The following ACTR3B variants were observed in gnomAD, a reference collection of about 807,000 sequenced individuals.
ACTR3B encodes actin related protein 3B.
A neutral mutation model predicts 59.0 loss-of-function variants in ACTR3B; 8 were observed. That is an observed-to-expected ratio of 0.14 (90% CI 0.08 to 0.24). The LOEUF is 0.24. ACTR3B is among the 10% of genes least tolerant of loss of function. The pLI is 1.00. For missense variants in ACTR3B, 245 were observed against 552.3 expected, an observed-to-expected ratio of 0.44 and a Z score of 5.58; for synonymous variants, 148 against 197.9, an observed-to-expected ratio of 0.75 and a Z score of 2.12.
At chr7:152,776,872 C>T (rs906359511) in intron 1 of ACTR3B, among the ~76,000 whole-genome samples, 2 of 151,992 alleles carry the variant, frequency 1.3e-5, no homozygotes, top group African/African-American at 2.4e-5. Flanking sequence ...ATTATACATC[C>T]GTTTATGGCA....
chr7:152,833,173 G>A (rs10257042), intron 9 of ACTR3B, among the ~76,000 whole-genome samples: 3,157 of 152,324 alleles, frequency 0.021, 100 homozygotes, highest in African/African-American at 0.071. Context: ...GTTGCAGGCC[G>A]AAGAGGGGGT....
intron 1 of ACTR3B, among the ~76,000 whole-genome samples, chr7:152,764,156 C>T (rs2098100159): frequency 6.6e-6 from 1 of 151,744 alleles, no homozygotes; most frequent in African/African-American, 2.4e-5. Context: ...TAGGTGTACA[C>T]CACCACGCAT....
At chr7:152,785,476 A>AGG (rs1393421407) in intron 2 of ACTR3B, among the ~76,000 whole-genome samples, 7 of 30,996 alleles carry the variant, frequency 2.3e-4, no homozygotes, top group Admixed American at 7.3e-4. Flanking sequence ...AGGGGGAGGG[A>AGG]GAGAGAGAGA....
intron 9 of ACTR3B, among the ~76,000 whole-genome samples, chr7:152,843,121 A>AT (rs1338611471): frequency 3.3e-5 from 5 of 151,192 alleles, no homozygotes; most frequent in African/African-American, 7.3e-5. Flanking sequence ...TGTGTTGCAG[A>AT]TTTTTTTGCT....
intron 9 of ACTR3B, among the ~76,000 whole-genome samples, chr7:152,838,549 G>A (rs1797640632): frequency 6.6e-6 from 1 of 151,720 alleles, no homozygotes; most frequent in South Asian, 2.1e-4. Flanking sequence ...GCCTGTTAGG[G>A]GAGGGAGAGC....
intron 1 of ACTR3B, among the ~76,000 whole-genome samples, chr7:152,779,943 G>A (rs1199833037): frequency 6.6e-6 from 1 of 152,170 alleles, no homozygotes; most frequent in Non-Finnish European, 1.5e-5. Context: ...CCAGGAAAAT[G>A]GAAAGATATT....
At chr7:152,774,760 A>G (rs1217756728) in intron 1 of ACTR3B, among the ~76,000 whole-genome samples, 1 of 152,206 alleles carries the variant, frequency 6.6e-6, no homozygotes, top group Admixed American at 6.5e-5. Context: ...AACTTTATAT[A>G]TTGAATTCTT....
intron 1 of ACTR3B, among the ~76,000 whole-genome samples, chr7:152,768,816 A>G (rs1283312954): frequency 7.3e-5 from 11 of 151,388 alleles, no homozygotes. Flanking sequence ...TAATGTGTCT[A>G]TATGAACTAC....
chr7:152,853,036 G>GCC (rs1798951822), intron 10 of ACTR3B, among the ~76,000 whole-genome samples: 1 of 152,060 alleles, frequency 6.6e-6, no homozygotes, highest in South Asian at 2.1e-4. Flanking sequence ...TGTGATCCAT[G>GCC]CGCCTCGGCC....
chr7:152,781,930 C>T (rs2098155423), intron 1 of ACTR3B, among the ~76,000 whole-genome samples: 1 of 151,856 alleles, frequency 6.6e-6, no homozygotes, highest in Non-Finnish European at 1.5e-5. Context: ...CCTTGTAGGC[C>T]TGAGGAGTCT....
At chr7:152,768,008 G>T (rs1018712992) in intron 1 of ACTR3B, among the ~76,000 whole-genome samples, 2 of 152,188 alleles carry the variant, frequency 1.3e-5, no homozygotes, top group Non-Finnish European at 2.9e-5. Flanking sequence ...ATCACTTGAG[G>T]CCAGGAATTT....
At chr7:152,779,191 C>T (rs1019494491) in intron 1 of ACTR3B, among the ~76,000 whole-genome samples, 4 of 152,020 alleles carry the variant, frequency 2.6e-5, no homozygotes, top group African/African-American at 9.7e-5. Flanking sequence ...CAGAACCATG[C>T]GGGTGAGCGA....
chr7:152,799,391 T>C (rs557032284), intron 2 of ACTR3B, among the ~76,000 whole-genome samples: 1 of 152,220 alleles, frequency 6.6e-6, no homozygotes, highest in Non-Finnish European at 1.5e-5. Context: ...GATAGATTGT[T>C]AAGCTTCCCT....
chr7:152,761,635 A>G (rs2098089673), intron 1 of ACTR3B, among the ~76,000 whole-genome samples: 1 of 152,182 alleles, frequency 6.6e-6, no homozygotes, highest in Non-Finnish European at 1.5e-5. Context: ...GTCATGCTTC[A>G]GAAGTTGGTG....
intron 4 of ACTR3B, among the ~76,000 whole-genome samples, chr7:152,802,059 ACCTCTTTGGACATTT>A (rs2098238522): frequency 6.6e-6 from 1 of 152,012 alleles, no homozygotes; most frequent in Admixed American, 6.5e-5. Flanking sequence ...TTCCTAGATC[ACCTCTTTGGACATTT>A]CCATACAGAG....
rs1191561609 is a variant in ACTR3B, at chr7:152,844,204, C to T, written c.952-7922C>T. ...TCCTGAGTAGCTGGGATTACAGGTG[C>T]ATGCCACCATGCCCAGCTAATTTGT... On this transcript the variant is annotated intron_variant, in intron 9 of 11. Transcript: ENST00000256001. Among the ~76,000 whole-genome samples the T allele has an allele frequency of 6.6e-4, 101 of 152,004 alleles. 1 individual carries two copies. The highest frequency in any genetic ancestry group is 9.7e-4 in the Non-Finnish European group (66 of 67,994).
intron 10 of ACTR3B, among the ~76,000 whole-genome samples, chr7:152,852,866 A>G (rs549788062): frequency 1.3e-5 from 2 of 149,928 alleles, no homozygotes; most frequent in East Asian, 2.0e-4. Context: ...ATCTCGGCTC[A>G]TAGCAAGCTC....
At position 152,848,105 on chromosome 7, in the gene ACTR3B, G is replaced by A. The variant is rs576067817; in HGVS notation, c.952-4021G>A. On this transcript the variant is annotated intron_variant, in intron 9 of 11. Transcript: ENST00000256001. ...CTTCAGAATAACAATAGCTCAGAACGTGGAGATGAGGCAGCAGGTGTGCCC... is the reference window on the plus strand; with the variant it reads ...CTTCAGAATAACAATAGCTCAGAACATGGAGATGAGGCAGCAGGTGTGCCC... 4.7e-4 allele frequency among the ~76,000 whole-genome samples: 71 copies of A among 152,336 alleles called. 1 individual carries two copies. The highest frequency in any genetic ancestry group is 1.7e-3 in the African/African-American group (69 of 41,568).
chr7:152,831,705 A>C (rs1797045834), intron 9 of ACTR3B, among the ~76,000 whole-genome samples: 1 of 152,196 alleles, frequency 6.6e-6, no homozygotes, highest in South Asian at 2.1e-4. Flanking sequence ...TGTGTGCAGC[A>C]CTAGGGTGAA....
Sources: allele counts gnomAD v4.1 joint callset (sites outside exome capture counted in the v4.1 genomes callset), GRCh38; gene constraint gnomAD v4.1.1; transcripts MANE v1.5; gene names NCBI Gene and HGNC (gene_info 2026-07-23, HGNC 2026-07-21).